The following CDC42BPA variants were observed in gnomAD, a reference collection of about 807,000 sequenced individuals.
CDC42BPA encodes the protein serine/threonine-protein kinase MRCK alpha.
A neutral mutation model predicts 223.5 loss-of-function variants in CDC42BPA; 80 were observed. The observed-to-expected ratio is 0.36, with a 90% CI of 0.30 to 0.43. The LOEUF (loss-of-function observed/expected upper bound fraction) is 0.43. Ranked by LOEUF, CDC42BPA falls within the 20% of genes least tolerant of loss-of-function variation. The pLI is 1.00. For synonymous variants in CDC42BPA, 694 were observed against 718.6 expected (o/e 0.97, Z 0.55); for missense variants, 1,743 against 2,099.9 (o/e 0.83, Z 3.32).
At chr1:227,147,811 T>G (rs1660962132) in intron 6 of CDC42BPA, among the ~76,000 whole-genome samples, 1 of 152,196 alleles carries the variant, frequency 6.6e-6, no homozygotes, top group South Asian at 2.1e-4. Flanking sequence ...ACAATTTAAT[T>G]TAAACCATCA....
chr1:227,316,939 T>C, intron 1 of CDC42BPA, 66 bp downstream of exon 1: 2 of 1,217,696 alleles, frequency 1.6e-6, no homozygotes, highest in East Asian at 2.3e-5. Flanking sequence ...CTCATAACTC[T>C]CTATACCAAT....
chr1:227,129,367 T>C (rs1318253824), intron 10 of CDC42BPA, 136 bp from the exon 11 acceptor site: 6 of 692,314 alleles, frequency 8.7e-6, no homozygotes, highest in Non-Finnish European at 1.4e-5. Flanking sequence ...AAAAAGCATG[T>C]GAATACTCAA....
rs1458582030 is a variant in CDC42BPA at position 226,991,744 on chromosome 1, G to A, written c.*2524C>T. On this transcript the variant is annotated 3_prime_UTR_variant, in exon 37 of 37. Coordinates refer to ENST00000366766, the MANE Select transcript of CDC42BPA (RefSeq NM_001394014.1). ...AGGCTGAAGAGTATGACCCATAGCA[G>A]TGGAGCTAGACTTTAGGTAGGGTTA... is the stretch of plus-strand genomic sequence containing the variant. The A allele has an allele frequency of 2.0e-5, 3 of 152,020 alleles. No individual in the cohort carries two copies. The highest frequency in any genetic ancestry group is 2.0e-4 in the Admixed American group (3 of 15,240). The allele number at this position is 152,020 out of a possible 1,614,324, so 9.4% of individuals were successfully genotyped here.
intron 2 of CDC42BPA, among the ~76,000 whole-genome samples, chr1:227,229,937 C>T (rs907856504): frequency 3.3e-5 from 5 of 152,088 alleles, no homozygotes; most frequent in African/African-American, 1.2e-4. Context: ...CATATTTATC[C>T]TGTCATGGAG....
chr1:227,172,087 T>C (rs1337424625), intron 5 of CDC42BPA, among the ~76,000 whole-genome samples: 2 of 152,220 alleles, frequency 1.3e-5, no homozygotes, highest in Non-Finnish European at 2.9e-5. Context: ...AAAATGAAAC[T>C]GCTTTTTGAA....
chr1:227,093,388 G>A (rs1241817374), intron 15 of CDC42BPA, among the ~76,000 whole-genome samples: 1 of 152,196 alleles, frequency 6.6e-6, no homozygotes, highest in Non-Finnish European at 1.5e-5. Context: ...GACATGAGAT[G>A]TGAGAAAGAA....
intron 25 of CDC42BPA, among the ~76,000 whole-genome samples, chr1:227,035,207 G>A (rs1223660550): frequency 6.6e-6 from 1 of 152,158 alleles, no homozygotes; most frequent in Non-Finnish European, 1.5e-5. Context: ...TCTCTTGCAA[G>A]AGCAGGGGCC....
At chr1:227,252,269 TA>T (rs369754717) in intron 2 of CDC42BPA, among the ~76,000 whole-genome samples, 2 of 151,332 alleles carry the variant, frequency 1.3e-5, no homozygotes, top group Non-Finnish European at 3.0e-5. Flanking sequence ...GCAAGAAAAA[TA>T]AAAAGAGAGA....
intron 6 of CDC42BPA, among the ~76,000 whole-genome samples, chr1:227,153,383 A>C (rs1201828582): frequency 6.6e-6 from 1 of 152,016 alleles, no homozygotes; most frequent in African/African-American, 2.4e-5. Flanking sequence ...ATAACTAACT[A>C]AACAAATAAA....
intron 5 of CDC42BPA, among the ~76,000 whole-genome samples, chr1:227,167,116 A>C (rs1238489145): frequency 6.6e-6 from 1 of 152,192 alleles, no homozygotes; most frequent in African/African-American, 2.4e-5. Context: ...CATAAGAATA[A>C]AAACTAGAGG....
chr1:227,178,498 T>C (rs1286805008), intron 5 of CDC42BPA: 1 of 153,664 alleles, frequency 6.5e-6, no homozygotes, highest in Non-Finnish European at 1.4e-5. Context: ...CTTGTCTTTT[T>C]TGTTGTTGTT....
At chr1:227,159,952 T>C (rs1663571118) in intron 6 of CDC42BPA, among the ~76,000 whole-genome samples, 1 of 152,034 alleles carries the variant, frequency 6.6e-6, no homozygotes, top group African/African-American at 2.4e-5. Context: ...CAGGAGATCC[T>C]CCCACCTCAG....
intron 1 of CDC42BPA, among the ~76,000 whole-genome samples, chr1:227,275,669 A>G (rs1225197312): frequency 2.8e-5 from 4 of 140,918 alleles, no homozygotes; most frequent in Non-Finnish European, 6.1e-5. Context: ...GCTGGACTGT[A>G]CTGCCGCCAT....
chr1:227,016,918 A>G lies in CDC42BPA; in HGVS notation c.4739+9T>C. On this transcript the variant is annotated intron_variant, in intron 33 of 36. Coordinates refer to ENST00000366766, the MANE Select transcript of CDC42BPA (RefSeq NM_001394014.1). ...CAAGCATGGATGATACTACAGGTTA[A>G]GTATCTACCTCCTCTGCTGCATCCT... 1 of 1,609,082 alleles carries G rather than the reference A, an allele frequency of 6.2e-7. No individual in the cohort carries two copies. The highest frequency in any genetic ancestry group is 8.5e-7 in the Non-Finnish European group (1 of 1,177,838).
At chr1:227,070,310 A>T (rs1415984709) in intron 20 of CDC42BPA, among the ~76,000 whole-genome samples, 2 of 151,886 alleles carry the variant, frequency 1.3e-5, no homozygotes, top group African/African-American at 4.8e-5. Context: ...AATACACTTA[A>T]TTACAAAAAA....
chr1:227,240,867 T>C (rs1391264609), intron 2 of CDC42BPA, among the ~76,000 whole-genome samples: 1 of 151,882 alleles, frequency 6.6e-6, no homozygotes, highest in Non-Finnish European at 1.5e-5. Context: ...CTAACTGTAA[T>C]AGAAAACAAT....
Position 227,022,496 on chromosome 1 carries a change from C to T in CDC42BPA, c.4615+767G>A, listed in dbSNP as rs73087698. 9.3e-3 allele frequency among the ~76,000 whole-genome samples: 1,408 copies of T among 152,146 alleles called. 24 individuals carry two copies. The highest frequency in any genetic ancestry group is 0.032 in the African/African-American group (1,336 of 41,516). ...AAATACATCCTCGCTAACAGACTTG[C>T]CATAACAGATCAGAAATTTACAAAT... On this transcript the variant is annotated intron_variant, in intron 32 of 36. Transcript: ENST00000366766.
intron 21 of CDC42BPA, among the ~76,000 whole-genome samples, chr1:227,065,063 C>T (rs1676726236): frequency 1.3e-5 from 2 of 151,234 alleles, no homozygotes; most frequent in South Asian, 2.1e-4. Flanking sequence ...CGCCACTGCA[C>T]TCCAGCCTGT....
intron 10 of CDC42BPA, among the ~76,000 whole-genome samples, chr1:227,130,992 A>G (rs1408566627): frequency 6.6e-6 from 1 of 152,186 alleles, no homozygotes; most frequent in Non-Finnish European, 1.5e-5. Context: ...TCTTTCCTCA[A>G]AATTCCTAGG....
Sources: allele counts gnomAD v4.1 joint callset (sites outside exome capture counted in the v4.1 genomes callset), GRCh38; gene constraint gnomAD v4.1.1; transcripts MANE v1.5; gene names NCBI Gene and HGNC (gene_info 2026-07-23, HGNC 2026-07-21).